CRB1: variants seen among roughly 807,000 people sequenced by gnomAD.
The protein encoded by CRB1 is protein crumbs homolog 1.
Under a neutral mutation model 120.0 loss-of-function variants are expected in CRB1, and 83 were observed. The ratio of observed to expected loss-of-function variants is 0.69; its 90% CI spans 0.58 to 0.83. The LOEUF (loss-of-function observed/expected upper bound fraction) is 0.83. Among genes scored for constraint, CRB1 ranks in the 40% least tolerant of loss-of-function variants. CRB1 has a pLI of 0.00. For synonymous variants in CRB1, 625 were observed against 612.5 expected (o/e 1.02, Z -0.30); for missense variants, 1,699 against 1,687.6 (o/e 1.01, Z -0.12).
chr1:197,468,026 G>A (rs952919668), intron 11 of CRB1, among the ~76,000 whole-genome samples: 4 of 152,142 alleles, frequency 2.6e-5, no homozygotes, highest in Non-Finnish European at 5.9e-5. Context: ...TTCTCCATTT[G>A]TGGCTCTGCA....
chr1:197,373,874 A>G (rs1661505695), intron 5 of CRB1, among the ~76,000 whole-genome samples: 1 of 152,178 alleles, frequency 6.6e-6, no homozygotes, highest in Non-Finnish European at 1.5e-5. Flanking sequence ...TTGAAAACTG[A>G]AAATAAGAAT....
chr1:197,324,633 A>C (rs769531509), intron 1 of CRB1, among the ~76,000 whole-genome samples: 1 of 152,202 alleles, frequency 6.6e-6, no homozygotes, highest in Admixed American at 6.5e-5. Flanking sequence ...AAACTGAGGC[A>C]GAGCGATGTT....
At chr1:197,286,192 T>A (rs1316748696) in intron 1 of CRB1, among the ~76,000 whole-genome samples, 3 of 151,936 alleles carry the variant, frequency 2.0e-5, no homozygotes, top group Non-Finnish European at 4.4e-5. Flanking sequence ...TTTGATTGCT[T>A]GTTTTCTAGA....
chr1:197,348,885 C>T (rs552797688), intron 4 of CRB1, among the ~76,000 whole-genome samples: 1 of 143,974 alleles, frequency 6.9e-6, no homozygotes, highest in East Asian at 1.9e-4. Flanking sequence ...TAAAAAAGTT[C>T]TAGTACACTA....
intron 2 of CRB1, among the ~76,000 whole-genome samples, chr1:197,336,538 T>C (rs1001674771): frequency 4.6e-5 from 7 of 152,190 alleles, no homozygotes; most frequent in Non-Finnish European, 7.3e-5. Flanking sequence ...TAAACACTTG[T>C]TCAGGCTTTT....
chr1:197,236,959 G>A, the CRB1 span, among the ~76,000 whole-genome samples: 51 of 151,726 alleles, frequency 3.4e-4, no homozygotes, highest in African/African-American at 1.2e-3. Flanking sequence ...TTTATGTTAG[G>A]GAGAAATATT....
In CRB1 at chr1:197,389,598, C is replaced by T. The variant is rs548388969; in HGVS notation, c.1172-31402C>T. ...TTTCATTTGGAAAGATGAAAAAGTT[C>T]TGGAGATGGATGGTGGTGACGGTTA... On this transcript the variant is annotated intron_variant, in intron 5 of 11. Transcript: ENST00000367400. 9.9e-5 allele frequency among the ~76,000 whole-genome samples: 15 copies of T among 152,124 alleles called. No homozygotes were observed. The South Asian group carries it at 3.1e-3, about 32-fold the overall frequency.
intron 2 of CRB1, among the ~76,000 whole-genome samples, chr1:197,334,146 C>T (rs1400893794): frequency 6.6e-6 from 1 of 152,150 alleles, no homozygotes; most frequent in East Asian, 1.9e-4. Context: ...AACAAGTTCC[C>T]ATGTGATGCT....
the CRB1 span, among the ~76,000 whole-genome samples, chr1:197,212,842 G>A: frequency 6.6e-6 from 1 of 151,990 alleles, no homozygotes; most frequent in Non-Finnish European, 1.5e-5. Flanking sequence ...TTCAGAAATG[G>A]ATCCAAATTT....
chr1:197,405,821 T>C (rs1256458570), intron 5 of CRB1, among the ~76,000 whole-genome samples: 1 of 149,806 alleles, frequency 6.7e-6, no homozygotes, highest in Non-Finnish European at 1.5e-5. Context: ...GTCTGAGAAG[T>C]GAGGAGCCCC....
intron 1 of CRB1, chr1:197,304,309 G>A (rs986355863): frequency 1.7e-6 from 1 of 602,710 alleles, no homozygotes; most frequent in African/African-American, 2.0e-5. Flanking sequence ...TTTTCTAATG[G>A]TTACATTTTA....
chr1:197,267,534 A>G (rs1394452446), upstream of CRB1, among the ~76,000 whole-genome samples: 1 of 152,192 alleles, frequency 6.6e-6, no homozygotes, highest in Non-Finnish European at 1.5e-5. Context: ...AGTTTTAACA[A>G]TGGAAAAAGG....
At chr1:197,250,729 T>C in the CRB1 span, among the ~76,000 whole-genome samples, 2 of 151,974 alleles carry the variant, frequency 1.3e-5, no homozygotes, top group African/African-American at 4.8e-5. Context: ...GTATCTAACC[T>C]TCATTATGGA....
chr1:197,292,443 G>A (rs1399104586), intron 1 of CRB1, among the ~76,000 whole-genome samples: 1 of 152,040 alleles, frequency 6.6e-6, no homozygotes, highest in Non-Finnish European at 1.5e-5. Context: ...AATAAGTCCA[G>A]GACTAGACAG....
chr1:197,357,381 G>A, intron 5 of CRB1: 1 of 310,618 alleles, frequency 3.2e-6, no homozygotes, highest in Non-Finnish European at 6.2e-6. Context: ...AAAAGTTATT[G>A]TACTTATATT....
At chr1:197,208,598 G>T in the CRB1 span, among the ~76,000 whole-genome samples, 4 of 152,212 alleles carry the variant, frequency 2.6e-5, no homozygotes, top group Non-Finnish European at 5.9e-5. Flanking sequence ...ACCAGCTCCT[G>T]CTCTGGTGTA....
intron 1 of CRB1, among the ~76,000 whole-genome samples, chr1:197,275,436 A>G (rs1655149073): frequency 1.3e-5 from 2 of 152,056 alleles, no homozygotes; most frequent in Non-Finnish European, 2.9e-5. Context: ...TGTGGAGTAA[A>G]TAGTTGTTAT....
At chr1:197,354,435 G>T (rs1412997311) in intron 4 of CRB1, among the ~76,000 whole-genome samples, 1 of 152,114 alleles carries the variant, frequency 6.6e-6, no homozygotes, top group Non-Finnish European at 1.5e-5. Context: ...AAGATGGGGT[G>T]TCCGCAGTCT....
At chr1:197,210,829 G>A in the CRB1 span, among the ~76,000 whole-genome samples, 1 of 151,812 alleles carries the variant, frequency 6.6e-6, no homozygotes, top group Non-Finnish European at 1.5e-5. Context: ...AAGAAAGAAA[G>A]GAGAGCTACA....
Sources: gnomAD v4.1 joint callset for allele counts (sites outside exome capture counted in the v4.1 genomes callset) on GRCh38, gnomAD v4.1.1 for gene constraint, MANE v1.5 for transcripts, NCBI Gene and HGNC (gene_info 2026-07-23, HGNC 2026-07-21) for gene names.